DNAJC12: variants seen among roughly 807,000 people sequenced by gnomAD.
DNAJC12 encodes the protein dnaJ homolog subfamily C member 12.
DNAJC12 carries 25 observed loss-of-function variants against 28.5 expected under a neutral mutation model. The observed-to-expected ratio is 0.88, with a 90% CI of 0.64 to 1.22. The LOEUF is 1.22. Ranked by LOEUF, DNAJC12 falls within the 50% of genes most tolerant of loss-of-function variation. The pLI is 0.00. For synonymous variants in DNAJC12, 77 were observed against 80.6 expected (o/e 0.95, Z 0.24); for missense variants, 222 against 231.7 (o/e 0.96, Z 0.27).
chr10:67,818,073 C>T (rs537984276), intron 2 of DNAJC12, among the ~76,000 whole-genome samples: 2 of 151,952 alleles, frequency 1.3e-5, no homozygotes, highest in South Asian at 2.1e-4. Context: ...GGTGTGGTGG[C>T]GCACATGTGT....
intron 4 of DNAJC12, among the ~76,000 whole-genome samples, chr10:67,800,886 T>C (rs1302252832): frequency 6.6e-6 from 1 of 151,512 alleles, no homozygotes; most frequent in East Asian, 1.9e-4. Flanking sequence ...GAGGTTGCAG[T>C]GAGCCGAGGT....
intron 1 of DNAJC12, chr10:67,834,015 A>G (rs1842119260): frequency 2.2e-6 from 1 of 456,940 alleles, no homozygotes; most frequent in Non-Finnish European, 4.5e-6. Context: ...TCATTGATAA[A>G]TTATACTCTT....
intron 1 of DNAJC12, chr10:67,825,684 C>T (rs1006923750): frequency 1.1e-3 from 2 of 1,764 alleles, no homozygotes; most frequent in Admixed American, 0.071. Flanking sequence ...CCTTAGTCAA[C>T]TCTCATAAGG....
chr10:67,824,822 C>T (rs1842013697), intron 1 of DNAJC12, among the ~76,000 whole-genome samples: 1 of 152,062 alleles, frequency 6.6e-6, no homozygotes, highest in Non-Finnish European at 1.5e-5. Flanking sequence ...CAACCTCCAC[C>T]TCCTGGCTTC....
chr10:67,834,603 G>A (rs545661355), intron 1 of DNAJC12, among the ~76,000 whole-genome samples: 8 of 152,326 alleles, frequency 5.3e-5, no homozygotes, highest in South Asian at 2.1e-4. Flanking sequence ...CCAAGGCGGC[G>A]GATCACTTGA....
chr10:67,811,597 T>A lies in DNAJC12; in HGVS notation c.224A>T (p.Tyr75Phe). 5.0e-6 allele frequency: 8 copies of A among 1,614,230 alleles called. No individual in the cohort carries two copies. Among genetic ancestry groups the A allele is most frequent in the Non-Finnish European group, 5.9e-6 (7 of 1,180,030 alleles). The change falls in exon 3 of 5, where the codon TAT (tyrosine) becomes TTT (phenylalanine). Residue 75 changes from tyrosine to phenylalanine, a missense_variant. Tyr to Phe is a conservative substitution (Grantham distance 22). Coordinates refer to ENST00000225171, the MANE Select transcript of DNAJC12 (RefSeq NM_021800.3). ...CATCTGGCTCCTTCGCCAGTGGTCA[T>A]AGCGGGCTCGACTCTCTTCATTGGT... ...ILTNEESRAR[Y>F]DHWRRSQMSM... is the part of the protein sequence containing the mutation.
intron 4 of DNAJC12, among the ~76,000 whole-genome samples, chr10:67,798,822 A>G (rs190970614): frequency 1.7e-4 from 25 of 145,780 alleles, no homozygotes; most frequent in African/African-American, 5.4e-4. Context: ...CTGGAGTGCA[A>G]TGGCGCGATC....
At chr10:67,809,368 C>T (rs1369434560) in intron 3 of DNAJC12, among the ~76,000 whole-genome samples, 2 of 152,096 alleles carry the variant, frequency 1.3e-5, no homozygotes, top group African/African-American at 2.4e-5. Flanking sequence ...TTCAGGTTAT[C>T]CCAGGATCCC....
intron 3 of DNAJC12, among the ~76,000 whole-genome samples, chr10:67,808,233 G>A (rs1316155993): frequency 6.6e-6 from 1 of 152,184 alleles, no homozygotes; most frequent in Non-Finnish European, 1.5e-5. Flanking sequence ...AATTGATACA[G>A]ACTAAGAGAG....
At position 67,826,563 on chromosome 10, in the gene DNAJC12, TAATA is replaced by T. The variant is rs1158267866; in HGVS notation, c.79-3175_79-3172del. On this transcript the variant is annotated intron_variant, in intron 1 of 4. Transcript: ENST00000225171. ...ACATCATTATATATAAGATATCTAA[TAATA>T]TATATAATATATATCATCTAATGAT... 3.6e-5 allele frequency among the ~76,000 whole-genome samples: 5 copies of T among 140,164 alleles called. No homozygotes were observed. The South Asian group carries it at 6.5e-4, about 18-fold the overall frequency. 92.0% of individuals were successfully genotyped at this position (140,164 alleles called of 152,430 possible).
chr10:67,812,956 A>G (rs537576958), intron 2 of DNAJC12, among the ~76,000 whole-genome samples: 3 of 152,264 alleles, frequency 2.0e-5, no homozygotes, highest in East Asian at 1.9e-4. Context: ...CGTGAGGCAG[A>G]GCTTACAGTG....
intron 4 of DNAJC12, among the ~76,000 whole-genome samples, chr10:67,800,867 C>G (rs543737593): frequency 6.6e-6 from 1 of 151,686 alleles, no homozygotes; most frequent in East Asian, 1.9e-4. Flanking sequence ...TAGCTTGACC[C>G]GGGAGGCAGA....
intron 1 of DNAJC12, among the ~76,000 whole-genome samples, chr10:67,826,686 C>T (rs1360899477): frequency 8.5e-6 from 1 of 117,410 alleles, no homozygotes; most frequent in South Asian, 2.5e-4. Flanking sequence ...TATAAGATAT[C>T]TAATGATATA....
At chr10:67,811,145 G>A (rs756980649) in intron 3 of DNAJC12, 1 of 335,892 alleles carries the variant, frequency 3.0e-6, no homozygotes, top group South Asian at 1.2e-4. Flanking sequence ...CTTGAAAAGA[G>A]AGCAAGCTGA....
intron 3 of DNAJC12, among the ~76,000 whole-genome samples, chr10:67,809,589 G>C (rs1366424841): frequency 6.6e-6 from 1 of 151,124 alleles, no homozygotes; most frequent in African/African-American, 2.4e-5. Flanking sequence ...AAAAATACCA[G>C]TTCAGTTGCA....
chr10:67,838,001 A>C lies in DNAJC12; in HGVS notation c.11T>G (p.Ile4Arg). The change falls in exon 1 of 5, where the codon ATA (isoleucine) becomes AGA (arginine). Residue 4 changes from isoleucine (I) to arginine (R), a missense_variant. Coordinates refer to ENST00000225171, the MANE Select transcript of DNAJC12 (RefSeq NM_021800.3). The part of the protein sequence containing the change: MDA[I>R]LNYRSEDTED... ...AGTATCTTCTGACCTGTAATTCAGTATTGCATCCATTTAGATGACTTAATC... is the reference window on the plus strand; with the variant it reads ...AGTATCTTCTGACCTGTAATTCAGTCTTGCATCCATTTAGATGACTTAATC... 1 of 1,606,700 alleles carries C rather than the reference A, an allele frequency of 6.2e-7. No individual in the cohort carries two copies.
intron 2 of DNAJC12, among the ~76,000 whole-genome samples, chr10:67,820,693 T>C (rs2131805928): frequency 6.6e-6 from 1 of 152,194 alleles, no homozygotes; most frequent in South Asian, 2.1e-4. Context: ...GATCTGTTTT[T>C]GCAAATCAAA....
At chr10:67,826,566 T>C (rs947914829) in intron 1 of DNAJC12, among the ~76,000 whole-genome samples, 33 of 139,952 alleles carry the variant, frequency 2.4e-4, no homozygotes, top group Non-Finnish European at 4.6e-4. Context: ...TATCTAATAA[T>C]ATATATAATA....
chr10:67,797,044 A>G lies in DNAJC12; in HGVS notation c.*72T>C, dbSNP rs79297589. 4.0e-3 allele frequency: 4,724 copies of G among 1,193,816 alleles called. 115 individuals are homozygous for G. The African/African-American group carries it at 0.06, about 15-fold the overall frequency. 74.0% of individuals were successfully genotyped at this position (1,193,816 alleles called of 1,614,324 possible). Reference sequence around the variant, plus strand: ...GACATAAACATGACATTTTTAAGACATAAACAAAGACTGCATGTTGGCAGC... The same window carrying G: ...GACATAAACATGACATTTTTAAGACGTAAACAAAGACTGCATGTTGGCAGC... On this transcript the variant is annotated 3_prime_UTR_variant, in exon 5 of 5. Transcript: ENST00000225171.
Sources: allele counts gnomAD v4.1 joint callset (sites outside exome capture counted in the v4.1 genomes callset), GRCh38; gene constraint gnomAD v4.1.1; transcripts MANE v1.5; gene names NCBI Gene and HGNC (gene_info 2026-07-23, HGNC 2026-07-21).